COL21A1: variants seen among roughly 807,000 people sequenced by gnomAD.
COL21A1 encodes collagen alpha-1(XXI) chain.
In COL21A1, 149 loss-of-function variants were observed where a neutral mutation model predicts 137.9. The ratio of observed to expected loss-of-function variants is 1.08; its 90% CI spans 0.95 to 1.24. The LOEUF (loss-of-function observed/expected upper bound fraction) is 1.24, where lower values mean the gene tolerates loss of function less well. Ranked by LOEUF, COL21A1 falls within the 50% of genes most tolerant of loss-of-function variation. The probability of loss-of-function intolerance (pLI) is 0.00; values close to 1 mark genes in which losing one functional copy is unlikely to be tolerated. For synonymous variants in COL21A1, 456 were observed against 391.5 expected (o/e 1.16, Z -1.95); for missense variants, 1,167 against 1,158.4 (o/e 1.01, Z -0.11).
At chr6:56,276,411 T>C in intron 1 of COL21A1, 1 of 568,338 alleles carries the variant, frequency 1.8e-6, no homozygotes, top group Admixed American at 3.6e-5. Context: ...AAAGGTTTCC[T>C]GTTTTGATCT....
intron 16 of COL21A1, among the ~76,000 whole-genome samples, chr6:56,112,776 C>T (rs1361811151): frequency 6.6e-6 from 1 of 151,514 alleles, no homozygotes; most frequent in Non-Finnish European, 1.5e-5. Flanking sequence ...CCTCCGCCTC[C>T]CAGGTTCAAC....
At chr6:56,183,606 G>T (rs1408250292) in intron 1 of COL21A1, among the ~76,000 whole-genome samples, 22 of 152,124 alleles carry the variant, frequency 1.4e-4, no homozygotes, top group Admixed American at 1.4e-3. Context: ...GAGAGAGTCT[G>T]TCCCTCTTCC....
chr6:56,375,901 A>T (rs547043997), intron 1 of COL21A1, among the ~76,000 whole-genome samples: 2 of 152,298 alleles, frequency 1.3e-5, no homozygotes, highest in South Asian at 4.1e-4. Flanking sequence ...TATAGATATC[A>T]AATATGTTCA....
chr6:56,185,238 CAATT>C (rs1778188239), intron 1 of COL21A1, among the ~76,000 whole-genome samples: 1 of 151,404 alleles, frequency 6.6e-6, no homozygotes. Flanking sequence ...ATTTGAAAGA[CAATT>C]AAAAAATAAA....
chr6:56,088,101 C>A (rs1174340893), intron 17 of COL21A1, among the ~76,000 whole-genome samples: 1 of 152,142 alleles, frequency 6.6e-6, no homozygotes, highest in Non-Finnish European at 1.5e-5. Context: ...CAGTGGCTCA[C>A]ACCTGTAATC....
At chr6:56,111,690 C>T (rs145100527) in intron 16 of COL21A1, among the ~76,000 whole-genome samples, 64 of 137,086 alleles carry the variant, frequency 4.7e-4, no homozygotes, top group African/African-American at 1.7e-3. Flanking sequence ...ATGGTGAAAT[C>T]CCATCTCTAC....
chr6:56,353,941 T>G (rs550659180), intron 1 of COL21A1, among the ~76,000 whole-genome samples: 1 of 152,188 alleles, frequency 6.6e-6, no homozygotes, highest in Admixed American at 6.5e-5. Context: ...CCCATAGATA[T>G]GTATAATTAT....
intron 24 of COL21A1, among the ~76,000 whole-genome samples, chr6:56,061,954 T>C (rs1765836696): frequency 6.6e-6 from 1 of 152,114 alleles, no homozygotes; most frequent in African/African-American, 2.4e-5. Context: ...ATCATGTGGG[T>C]AAGAATGGGA....
chr6:56,347,991 C>A (rs1476387406), intron 1 of COL21A1, among the ~76,000 whole-genome samples: 1 of 152,216 alleles, frequency 6.6e-6, no homozygotes, highest in East Asian at 1.9e-4. Flanking sequence ...TTCATTTATG[C>A]ACTCACTATG....
At chr6:56,131,166 A>G (rs1315824170) in intron 12 of COL21A1, among the ~76,000 whole-genome samples, 1 of 152,040 alleles carries the variant, frequency 6.6e-6, no homozygotes, top group Non-Finnish European at 1.5e-5. Context: ...CTGAAGGTTG[A>G]AAAAATGGTG....
chr6:56,065,014 A>G (rs931163611), intron 23 of COL21A1, among the ~76,000 whole-genome samples: 4 of 152,062 alleles, frequency 2.6e-5, no homozygotes, highest in African/African-American at 9.7e-5. Context: ...GGACAAGAAG[A>G]TCTCTTTAAA....
At chr6:56,348,273 C>T (rs1301896888) in intron 1 of COL21A1, among the ~76,000 whole-genome samples, 1 of 152,114 alleles carries the variant, frequency 6.6e-6, no homozygotes, top group Admixed American at 6.5e-5. Context: ...GGGCACATAG[C>T]TGTGGCTCGG....
intron 1 of COL21A1, among the ~76,000 whole-genome samples, chr6:56,199,304 A>T (rs1779227950): frequency 6.6e-6 from 1 of 151,868 alleles, no homozygotes; most frequent in African/African-American, 2.4e-5. Flanking sequence ...TTTTTTTTTA[A>T]TCAACCTTTT....
chr6:56,212,310 T>C (rs1780220589), intron 1 of COL21A1, among the ~76,000 whole-genome samples: 1 of 152,026 alleles, frequency 6.6e-6, no homozygotes, highest in Non-Finnish European at 1.5e-5. Flanking sequence ...TTGATACATA[T>C]TATTTAATGT....
intron 1 of COL21A1, among the ~76,000 whole-genome samples, chr6:56,386,334 G>A (rs1290273121): frequency 2.6e-5 from 4 of 152,198 alleles, no homozygotes; most frequent in Admixed American, 2.0e-4. Flanking sequence ...GAACATTTGG[G>A]TTGTTTCCAC....
intron 1 of COL21A1, among the ~76,000 whole-genome samples, chr6:56,253,591 C>T (rs1439017984): frequency 6.6e-6 from 1 of 152,144 alleles, no homozygotes; most frequent in African/African-American, 2.4e-5. Flanking sequence ...TGAAACTAGG[C>T]CTACTTCTGT....
At chr6:56,384,032 T>A (rs891232426) in intron 1 of COL21A1, among the ~76,000 whole-genome samples, 2 of 152,156 alleles carry the variant, frequency 1.3e-5, no homozygotes, top group African/African-American at 4.8e-5. Flanking sequence ...CTTAGCCCCC[T>A]TCGCACTAAT....
At chr6:56,258,921 G>A (rs895282843) in intron 1 of COL21A1, among the ~76,000 whole-genome samples, 17 of 152,156 alleles carry the variant, frequency 1.1e-4, no homozygotes, top group Middle Eastern at 3.2e-3. Flanking sequence ...GAGAGCTGCT[G>A]CATACAATAT....
At chr6:56,237,024 T>C (rs1406457383) in intron 1 of COL21A1, among the ~76,000 whole-genome samples, 1 of 152,088 alleles carries the variant, frequency 6.6e-6, no homozygotes, top group Non-Finnish European at 1.5e-5. Flanking sequence ...TGAAATCCAT[T>C]CTTACAGCTT....
Sources: allele counts gnomAD v4.1 joint callset (sites outside exome capture counted in the v4.1 genomes callset), GRCh38; gene constraint gnomAD v4.1.1; transcripts MANE v1.5; gene names NCBI Gene and HGNC (gene_info 2026-07-23, HGNC 2026-07-21).